Variants in ERBB4 observed in about 807,000 individuals in gnomAD.
ERBB4 encodes the protein receptor tyrosine-protein kinase erbB-4.
In ERBB4, 42 loss-of-function variants were observed where a neutral mutation model predicts 158.0. That is an observed-to-expected ratio of 0.27 (90% CI 0.21 to 0.34). The LOEUF is 0.34. ERBB4 is among the 10% of genes least tolerant of loss of function. The pLI, the probability that ERBB4 is intolerant of heterozygous loss-of-function variation, is 1.00. For missense variants in ERBB4, 1,333 were observed against 1,624.1 expected, an observed-to-expected ratio of 0.82 and a Z score of 3.08; for synonymous variants, 583 against 558.7, an observed-to-expected ratio of 1.04 and a Z score of -0.61.
At chr2:211,445,949 G>A (rs971929179) in intron 20 of ERBB4, among the ~76,000 whole-genome samples, 2 of 152,190 alleles carry the variant, frequency 1.3e-5, no homozygotes, top group Admixed American at 6.5e-5. Flanking sequence ...AAATGTTCAT[G>A]TAAGGAGGCA....
At chr2:211,637,413 A>T (rs544811064) in intron 16 of ERBB4, among the ~76,000 whole-genome samples, 1 of 152,116 alleles carries the variant, frequency 6.6e-6, no homozygotes, top group South Asian at 2.1e-4. Flanking sequence ...TTTCCATAAG[A>T]GAAAGACAAG....
intron 8 of ERBB4, 103 bp from the exon 9 acceptor site, chr2:211,712,279 A>C: frequency 9.2e-7 from 1 of 1,091,480 alleles, no homozygotes; most frequent in African/African-American, 1.6e-5. Flanking sequence ...TAATTGTAAC[A>C]TATAAAATAT....
chr2:211,745,115 C>A (rs73085044), intron 5 of ERBB4, among the ~76,000 whole-genome samples: 2 of 151,850 alleles, frequency 1.3e-5, no homozygotes, highest in Non-Finnish European at 2.9e-5. Flanking sequence ...TTTAGTGGAC[C>A]TAAGAGTAAA....
chr2:211,957,201 G>T (rs2081057888), intron 2 of ERBB4, among the ~76,000 whole-genome samples: 2 of 152,058 alleles, frequency 1.3e-5, no homozygotes, highest in South Asian at 2.1e-4. Flanking sequence ...TGGAGATAGG[G>T]TTTTTAAAGA....
At chr2:212,384,301 G>A (rs2090603486) in intron 1 of ERBB4, among the ~76,000 whole-genome samples, 1 of 151,602 alleles carries the variant, frequency 6.6e-6, no homozygotes, top group South Asian at 2.1e-4. Context: ...AGTGACTTAA[G>A]ACAAGTAGAC....
intron 2 of ERBB4, among the ~76,000 whole-genome samples, chr2:211,960,237 G>A (rs1170359342): frequency 6.6e-6 from 1 of 152,068 alleles, no homozygotes; most frequent in Non-Finnish European, 1.5e-5. Flanking sequence ...TAGTGAGGAA[G>A]CTATCAAAAA....
intron 1 of ERBB4, among the ~76,000 whole-genome samples, chr2:212,525,187 C>T (rs955091022): frequency 1.3e-5 from 2 of 151,802 alleles, no homozygotes; most frequent in African/African-American, 4.8e-5. Flanking sequence ...CTCCACATTC[C>T]TAGTAGAAAG....
At position 212,101,366 on chromosome 2, in the gene ERBB4, T is replaced by C. The variant is rs868527091; in HGVS notation, c.234+23386A>G. Among the ~76,000 whole-genome samples the C allele has an allele frequency of 3.7e-5, 4 of 107,674 alleles. No homozygotes were observed. The East Asian group carries it at 5.8e-4, about 16-fold the overall frequency. 70.6% of individuals were successfully genotyped at this position (107,674 alleles called of 152,430 possible). On this transcript the variant is annotated intron_variant, in intron 2 of 27. Transcript: ENST00000342788. The stretch of plus-strand genomic sequence containing the variant: ...CACCCTATACATATATATATATATA[T>C]GTATATGTATTTCAAACTACTTTTA...
chr2:212,003,965 A>T (rs2076202801), intron 2 of ERBB4, among the ~76,000 whole-genome samples: 1 of 152,334 alleles, frequency 6.6e-6, no homozygotes, highest in African/African-American at 2.4e-5. Flanking sequence ...TAATCTACAT[A>T]AAACAGGTAG....
At chr2:212,534,763 A>G (rs1304948316) in intron 1 of ERBB4, among the ~76,000 whole-genome samples, 1 of 152,230 alleles carries the variant, frequency 6.6e-6, no homozygotes, top group African/African-American at 2.4e-5. Flanking sequence ...TAGTACTTCT[A>G]TTTAAAAACC....
At chr2:211,717,397 C>T (rs2073953632) in intron 7 of ERBB4, among the ~76,000 whole-genome samples, 2 of 152,098 alleles carry the variant, frequency 1.3e-5, no homozygotes, top group Non-Finnish European at 1.5e-5. Flanking sequence ...GTGTCTGTGA[C>T]TTTAAAATGC....
chr2:212,494,953 A>G (rs1690478484), intron 1 of ERBB4, among the ~76,000 whole-genome samples: 1 of 152,122 alleles, frequency 6.6e-6, no homozygotes, highest in Admixed American at 6.6e-5. Flanking sequence ...ATTTTTATTT[A>G]TAAGCTTCCA....
chr2:212,471,712 C>T (rs1465775629), intron 1 of ERBB4, among the ~76,000 whole-genome samples: 1 of 151,724 alleles, frequency 6.6e-6, no homozygotes, highest in Non-Finnish European at 1.5e-5. Flanking sequence ...AGTTCTGGAA[C>T]AAAAATCATA....
At chr2:212,138,063 C>T (rs1265254637) in intron 1 of ERBB4, among the ~76,000 whole-genome samples, 2 of 152,102 alleles carry the variant, frequency 1.3e-5, no homozygotes, top group African/African-American at 2.4e-5. Context: ...GATAAATCCT[C>T]TGTAGAATTT....
chr2:212,537,959 G>A (rs963849309), intron 1 of ERBB4, among the ~76,000 whole-genome samples: 5 of 152,148 alleles, frequency 3.3e-5, no homozygotes, highest in Admixed American at 6.5e-5. Flanking sequence ...GTCGCCAGCA[G>A]CACACACAGG....
intron 20 of ERBB4, among the ~76,000 whole-genome samples, chr2:211,511,665 A>C (rs2065888020): frequency 6.6e-6 from 1 of 152,120 alleles, no homozygotes; most frequent in Admixed American, 6.5e-5. Context: ...GTTCAATTTC[A>C]GAATCCATTG....
intron 3 of ERBB4, among the ~76,000 whole-genome samples, chr2:211,832,418 T>TA (rs1193350339): frequency 6.6e-6 from 1 of 152,102 alleles, no homozygotes; most frequent in Non-Finnish European, 1.5e-5. Flanking sequence ...CTGTCACAAA[T>TA]AAAATGATTC....
chr2:211,811,378 G>C lies in ERBB4; in HGVS notation c.422-23219C>G, dbSNP rs574898720. Among the ~76,000 whole-genome samples the C allele has an allele frequency of 6.6e-5, 10 of 152,278 alleles. No homozygotes were observed. In the South Asian group the frequency reaches 1.9e-3, roughly 28 times the overall value. On this transcript the variant is annotated intron_variant, in intron 3 of 27. Coordinates refer to ENST00000342788, the MANE Select transcript of ERBB4 (RefSeq NM_005235.3). ...CTGGCTTGTAGAGTTTCTCCCGAGAGATCCGCTGCTAGGCTGATGGGCTTC... is the reference window on the plus strand; with the variant it reads ...CTGGCTTGTAGAGTTTCTCCCGAGACATCCGCTGCTAGGCTGATGGGCTTC...
At chr2:212,291,098 GA>G (rs2086190748) in intron 1 of ERBB4, among the ~76,000 whole-genome samples, 1 of 152,054 alleles carries the variant, frequency 6.6e-6, no homozygotes, top group Non-Finnish European at 1.5e-5. Flanking sequence ...CTTACTATGG[GA>G]AAAGGAGCTG....
Sources: gnomAD v4.1 joint callset for allele counts (sites outside exome capture counted in the v4.1 genomes callset) on GRCh38, gnomAD v4.1.1 for gene constraint, MANE v1.5 for transcripts, NCBI Gene and HGNC (gene_info 2026-07-23, HGNC 2026-07-21) for gene names.